PTPRK: variants seen among roughly 807,000 people sequenced by gnomAD.
PTPRK encodes protein tyrosine phosphatase receptor type K, also known as receptor-type tyrosine-protein phosphatase kappa.
A neutral mutation model predicts 178.0 loss-of-function variants in PTPRK; 75 were observed. The ratio of observed to expected loss-of-function variants is 0.42; its 90% CI spans 0.35 to 0.51. The LOEUF is 0.51. PTPRK is among the 20% of genes least tolerant of loss of function. PTPRK has a pLI of 0.02. For missense variants in PTPRK, 1,441 were observed against 1,797.8 expected, an observed-to-expected ratio of 0.80 and a Z score of 3.59; for synonymous variants, 637 against 620.6, an observed-to-expected ratio of 1.03 and a Z score of -0.39.
chr6:128,176,804 A>G (rs186803508), intron 7 of PTPRK, among the ~76,000 whole-genome samples: 39 of 151,872 alleles, frequency 2.6e-4, no homozygotes, highest in African/African-American at 9.4e-4. Flanking sequence ...CCATGTAGTA[A>G]TGAGTCAAAT....
At chr6:128,163,584 A>T (rs1451591289) in intron 7 of PTPRK, among the ~76,000 whole-genome samples, 1 of 151,444 alleles carries the variant, frequency 6.6e-6, no homozygotes, top group Non-Finnish European at 1.5e-5. Context: ...CTAGGGTTTT[A>T]TATTTTTTAT....
chr6:128,353,515 T>G (rs1394840268), intron 2 of PTPRK, among the ~76,000 whole-genome samples: 2 of 152,220 alleles, frequency 1.3e-5, no homozygotes, highest in Non-Finnish European at 2.9e-5. Flanking sequence ...GGAATACTAT[T>G]CAGCAGAATA....
At chr6:128,004,868 T>A in intron 15 of PTPRK, 1 of 494,682 alleles carries the variant, frequency 2.0e-6, no homozygotes. Context: ...GATACAGTAA[T>A]AAAATTCATA....
At chr6:128,334,890 C>T (rs1305784439) in intron 2 of PTPRK, among the ~76,000 whole-genome samples, 1 of 152,246 alleles carries the variant, frequency 6.6e-6, no homozygotes, top group East Asian at 1.9e-4. Context: ...GAGTTCAAGA[C>T]CAGCCTGGCC....
At chr6:128,005,904 G>T in intron 14 of PTPRK, 1 of 581,536 alleles carries the variant, frequency 1.7e-6, no homozygotes, top group South Asian at 3.9e-5. Context: ...TATAGTTTTA[G>T]AGTCTGAAAA....
intron 13 of PTPRK, among the ~76,000 whole-genome samples, chr6:128,040,442 G>T (rs1480650678): frequency 6.6e-6 from 1 of 152,020 alleles, no homozygotes; most frequent in Non-Finnish European, 1.5e-5. Flanking sequence ...AATAGATCAA[G>T]AAAGCAGGAG....
intron 1 of PTPRK, among the ~76,000 whole-genome samples, chr6:128,452,354 T>A (rs1407789752): frequency 6.6e-6 from 1 of 152,196 alleles, no homozygotes; most frequent in East Asian, 1.9e-4. Flanking sequence ...CCCCAGTTAA[T>A]AAGTTGCTGG....
chr6:127,985,655 G>T, intron 22 of PTPRK, 66 bp downstream of exon 22: 1 of 1,456,524 alleles, frequency 6.9e-7, no homozygotes, highest in Non-Finnish European at 9.3e-7. Context: ...GTGCTCAAAA[G>T]CCTTGTCTTG....
intron 2 of PTPRK, among the ~76,000 whole-genome samples, chr6:128,326,973 T>C (rs1584177470): frequency 6.6e-6 from 1 of 151,996 alleles, no homozygotes; most frequent in Non-Finnish European, 1.5e-5. Flanking sequence ...AGGATACAAA[T>C]AGGATCCTAT....
intron 2 of PTPRK, among the ~76,000 whole-genome samples, chr6:128,341,788 T>G (rs999665824): frequency 1.3e-5 from 2 of 152,232 alleles, no homozygotes; most frequent in African/African-American, 4.8e-5. Flanking sequence ...AACAGCAACG[T>G]AGGCCTTACT....
At chr6:128,285,772 C>T (rs538487934) in intron 3 of PTPRK, among the ~76,000 whole-genome samples, 14 of 151,846 alleles carry the variant, frequency 9.2e-5, no homozygotes, top group African/African-American at 3.4e-4. Context: ...TGCACTGTTG[C>T]CTGGGCAACA....
At position 128,234,472 on chromosome 6, in the gene PTPRK, A is replaced by G. The variant is rs1472401480; in HGVS notation, c.693+5563T>C. Among the ~76,000 whole-genome samples the G allele has an allele frequency of 3.3e-5, 5 of 152,320 alleles. No individual in the cohort carries two copies. In the East Asian group the frequency reaches 9.6e-4, roughly 29 times the overall value. On this transcript the variant is annotated intron_variant, in intron 5 of 29. Coordinates refer to ENST00000368226, the MANE Select transcript of PTPRK (RefSeq NM_002844.4). ...TACCCTAGAGAATTTCCCCCTGCCC[A>G]CATCCAATTAATCCTTATTCCCCAC...
chr6:128,274,696 C>T (rs908890233), intron 3 of PTPRK, among the ~76,000 whole-genome samples: 4 of 151,828 alleles, frequency 2.6e-5, no homozygotes, highest in African/African-American at 9.7e-5. Flanking sequence ...TTAGAAATGC[C>T]TCCAAAAAGT....
At chr6:128,437,842 C>T (rs1584721936) in intron 1 of PTPRK, among the ~76,000 whole-genome samples, 1 of 152,138 alleles carries the variant, frequency 6.6e-6, no homozygotes, top group African/African-American at 2.4e-5. Context: ...TGAAACAGCT[C>T]CCACCTTCGG....
intron 3 of PTPRK, among the ~76,000 whole-genome samples, chr6:128,307,670 G>A (rs1327855377): frequency 6.6e-6 from 1 of 151,984 alleles, no homozygotes; most frequent in African/African-American, 2.4e-5. Flanking sequence ...ATGAAAACAT[G>A]AAAGGGAAAG....
chr6:128,322,281 G>C lies in PTPRK; in HGVS notation c.253C>G (p.His85Asp), dbSNP rs769399446. 6.3e-7 allele frequency: 1 copy of C among 1,597,654 alleles called. No homozygotes were observed. The highest frequency in any genetic ancestry group is 8.6e-7 in the Non-Finnish European group (1 of 1,165,268). ...AGTCTGGCTTTTTCTCCAGGGTCGT[G>C]ATCTGAAGAGTCCACTATCATATAG... Reference protein sequence around the residue: ...GSYMIVDSSDHDPGEKARLQL... With the variant: ...GSYMIVDSSDDDPGEKARLQL... Residue 85 changes from histidine to aspartate, a missense_variant, in exon 3 of 30, where the codon CAC (histidine) becomes GAC (aspartate). This residue lies in a region of PTPRK where 158 missense variants were observed against 188.0 expected (regional missense o/e 0.84). Transcript: ENST00000368226.
chr6:128,176,143 G>C lies in PTPRK; in HGVS notation c.1162+8289C>G, dbSNP rs150848569. On this transcript the variant is annotated intron_variant, in intron 7 of 29. Transcript: ENST00000368226. ...TTAAAATTAATTCCTCTTAAAAGGAGAGTGTGTACATATATATATGCATAT... is the reference window on the plus strand; with the variant it reads ...TTAAAATTAATTCCTCTTAAAAGGACAGTGTGTACATATATATATGCATAT... Among the ~76,000 whole-genome samples the C allele has an allele frequency of 6.4e-4, 98 of 151,958 alleles. 1 individual carries two copies. Among genetic ancestry groups the C allele is most frequent in the African/African-American group, 2.2e-3 (91 of 41,526 alleles).
At chr6:128,082,355 G>C in intron 10 of PTPRK, 82 bp downstream of exon 10, 1 of 1,278,074 alleles carries the variant, frequency 7.8e-7, no homozygotes, top group Admixed American at 1.7e-5. Context: ...AACTACACTT[G>C]GTTTATATGT....
intron 25 of PTPRK, among the ~76,000 whole-genome samples, chr6:127,980,050 C>T (rs771873910): frequency 5.3e-5 from 8 of 152,180 alleles, no homozygotes; most frequent in Non-Finnish European, 7.3e-5. Flanking sequence ...GTGGCTTACG[C>T]CTGTAATCCC....
Sources: gnomAD v4.1 joint callset for allele counts (sites outside exome capture counted in the v4.1 genomes callset) on GRCh38, gnomAD v4.1.1 for gene constraint, gnomAD v4.1.1 regional missense constraint, MANE v1.5 for transcripts, NCBI Gene and HGNC (gene_info 2026-07-23, HGNC 2026-07-21) for gene names.